MYOM1: variants seen among roughly 807,000 people sequenced by gnomAD.
MYOM1 encodes the protein myomesin-1.
In MYOM1, 164 loss-of-function variants were observed where a neutral mutation model predicts 205.3. The observed-to-expected ratio is 0.80, with a 90% CI of 0.70 to 0.91. The LOEUF (loss-of-function observed/expected upper bound fraction) is 0.91, where lower values mean the gene tolerates loss of function less well. Among genes scored for constraint, MYOM1 ranks in the 40% least tolerant of loss-of-function variants. The pLI, the probability that MYOM1 is intolerant of heterozygous loss-of-function variation, is 0.00. For missense variants in MYOM1, 2,011 were observed against 2,127.3 expected, an observed-to-expected ratio of 0.95 and a Z score of 1.08; for synonymous variants, 772 against 789.4, an observed-to-expected ratio of 0.98 and a Z score of 0.37.
At chr18:3,095,520 A>G (rs532183029) in intron 25 of MYOM1, among the ~76,000 whole-genome samples, 1 of 152,314 alleles carries the variant, frequency 6.6e-6, no homozygotes, top group South Asian at 2.1e-4. Context: ...GTGAGCCGAG[A>G]TCGCGCCACT....
chr18:3,072,176 G>A (rs373048102), intron 36 of MYOM1, among the ~76,000 whole-genome samples: 103 of 150,630 alleles, frequency 6.8e-4, no homozygotes, highest in African/African-American at 2.1e-3. Context: ...TCAGCCTCCC[G>A]AGTAGCTGGG....
At chr18:3,147,932 T>C (rs2080153637) in intron 13 of MYOM1, among the ~76,000 whole-genome samples, 3 of 152,192 alleles carry the variant, frequency 2.0e-5, no homozygotes, top group African/African-American at 4.8e-5. Flanking sequence ...GAAAAATACC[T>C]GGATTTGACA....
At position 3,129,388 on chromosome 18, in the gene MYOM1, T is replaced by C; in HGVS notation, c.2638A>G (p.Asn880Asp). 1.2e-6 allele frequency: 2 copies of C among 1,613,988 alleles called. No individual in the cohort carries two copies. Among genetic ancestry groups the C allele is most frequent in the Non-Finnish European group, 8.5e-7 (1 of 1,179,886 alleles). ...QKDALLGSKP[N>D]KPSLPSSSQN... is the part of the protein sequence containing the mutation. ...GAGCTACTGGGTAGTGAAGGTTTGT[T>C]AGGTTTGCTGCCAAGCAAAGCATCT... is the stretch of plus-strand genomic sequence containing the variant. The change falls in exon 18 of 38, where the codon AAC becomes GAC. Residue 880 changes from asparagine to aspartate, a missense_variant. Coordinates refer to ENST00000356443, the MANE Select transcript of MYOM1 (RefSeq NM_003803.4).
At chr18:3,162,627 AAC>A (rs1293978449) in intron 10 of MYOM1, among the ~76,000 whole-genome samples, 1 of 152,204 alleles carries the variant, frequency 6.6e-6, no homozygotes. Context: ...GCCATAAAAA[AAC>A]ACAGAACACT....
intron 28 of MYOM1, 68 bp from the exon 29 acceptor site, chr18:3,089,309 A>G: frequency 7.8e-7 from 1 of 1,277,600 alleles, no homozygotes; most frequent in Non-Finnish European, 1.1e-6. Context: ...GCTCACACTT[A>G]AGTCCTAAGG....
chr18:3,126,006 T>C (rs113335557), intron 19 of MYOM1, among the ~76,000 whole-genome samples: 2,694 of 151,502 alleles, frequency 0.018, 72 homozygotes, highest in African/African-American at 0.056. Flanking sequence ...CGGTGGCTCA[T>C]GCCTATAATC....
In MYOM1 at chr18:3,183,180, C is replaced by T. The variant is rs144771212; in HGVS notation, c.929+4300G>A. On this transcript the variant is annotated intron_variant, in intron 5 of 37. Transcript: ENST00000356443. ...CCGACCTCAGGTCATCCGCCCGACT[C>T]GGCCTCCCAAAGTGCTGGGATTACA... Among the ~76,000 whole-genome samples, 540 of 152,254 alleles carry T rather than the reference C, an allele frequency of 3.5e-3. 3 individuals carry two copies. The highest frequency in any genetic ancestry group is 0.012 in the African/African-American group (506 of 41,558).
chr18:3,214,531 T>C (rs755067649), intron 2 of MYOM1, among the ~76,000 whole-genome samples: 4 of 152,072 alleles, frequency 2.6e-5, no homozygotes, highest in African/African-American at 4.8e-5. Flanking sequence ...ATTTAAGAAG[T>C]AACTGGGAGA....
At chr18:3,079,935 C>T (rs2079065291) in intron 33 of MYOM1, among the ~76,000 whole-genome samples, 1 of 152,138 alleles carries the variant, frequency 6.6e-6, no homozygotes, top group Admixed American at 6.5e-5. Context: ...GTGAGTTTCT[C>T]AGAATTCTAC....
chr18:3,198,766 G>GA (rs1199718055), intron 2 of MYOM1, among the ~76,000 whole-genome samples: 2 of 150,432 alleles, frequency 1.3e-5, no homozygotes, highest in African/African-American at 4.9e-5. Context: ...CTGGGTGACA[G>GA]AGGGAGACTC....
At chr18:3,177,467 A>G (rs2080661584) in intron 5 of MYOM1, among the ~76,000 whole-genome samples, 1 of 144,892 alleles carries the variant, frequency 6.9e-6, no homozygotes. Context: ...TATTATTATT[A>G]TTATTATTAT....
At chr18:3,246,445 C>T in the MYOM1 span, 1 of 152,150 alleles carries the variant, frequency 6.6e-6, no homozygotes, top group African/African-American at 2.4e-5. Flanking sequence ...ATTAGTACCC[C>T]AAGTCATTCT....
At chr18:3,111,358 A>AT (rs1180978642) in intron 22 of MYOM1, among the ~76,000 whole-genome samples, 2 of 152,228 alleles carry the variant, frequency 1.3e-5, no homozygotes, top group East Asian at 3.9e-4. Context: ...TCGTTGGACA[A>AT]TGAACACAGT....
At position 3,142,151 on chromosome 18, in the gene MYOM1, G is replaced by A. The variant is rs539418908; in HGVS notation, c.1901-88C>T. On this transcript the variant is annotated intron_variant, in intron 13 of 37. Transcript: ENST00000356443. ...CCAAAGACGCTGCTCTCCTCCTGAG[G>A]AAGAGTTAATTATGTCTCCACAGTT... 8.8e-6 allele frequency: 13 copies of A among 1,473,870 alleles called. No homozygotes were observed. The East Asian group carries it at 2.5e-4, about 29-fold the overall frequency. 91.3% of individuals were successfully genotyped at this position (1,473,870 alleles called of 1,614,324 possible).
chr18:3,195,265 T>C (rs1034214173), intron 2 of MYOM1, among the ~76,000 whole-genome samples: 1 of 152,174 alleles, frequency 6.6e-6, no homozygotes, highest in African/African-American at 2.4e-5. Flanking sequence ...TTCCCCACTA[T>C]CTACCACCTC....
In MYOM1 at chr18:3,209,242, C is replaced by T. The variant is rs1382611162; in HGVS notation, c.290+5692G>A. Among the ~76,000 whole-genome samples the T allele has an allele frequency of 1.3e-5, 2 of 152,138 alleles. No homozygotes were observed. Among genetic ancestry groups the T allele is most frequent in the Non-Finnish European group, 2.9e-5 (2 of 68,026 alleles). ...AAATCTCCACAGACCATTTCACAGC[C>T]TCAAAACTCCCTGGCTAAGGGTGCT... On this transcript the variant is annotated intron_variant, in intron 2 of 37. Coordinates refer to ENST00000356443, the MANE Select transcript of MYOM1 (RefSeq NM_003803.4). This position sits in a 1 kb window ranked among gnomAD's most constrained non-coding sequence, Gnocchi z 4.0.
At chr18:3,092,205 T>G (rs1598661757) in intron 26 of MYOM1, among the ~76,000 whole-genome samples, 1 of 152,032 alleles carries the variant, frequency 6.6e-6, no homozygotes, top group Admixed American at 6.6e-5. Flanking sequence ...GTGTTTACTC[T>G]CTCTTTTTAG....
Position 3,126,780 on chromosome 18 carries a change from T to C in MYOM1, c.2912A>G (p.Asn971Ser). The change falls in exon 19 of 38, where the codon AAC (asparagine) becomes AGC (serine). Residue 971 changes from asparagine (N) to serine (S), a missense_variant. By Grantham distance (46) the Asn-to-Ser change is conservative (BLOSUM62 1). Transcript: ENST00000356443. The part of the protein sequence containing the change: ...GGAEITGYYV[N>S]YREVIDGVPG... ...TACCCCATCAATGACCTCGCGATAG[T>C]TCACATAATAGCCAGTAATTTCTGC... The C allele has an allele frequency of 6.2e-7, 1 of 1,613,930 alleles. No homozygotes were observed. Among genetic ancestry groups the C allele is most frequent in the South Asian group, 1.1e-5 (1 of 91,052 alleles).
intron 10 of MYOM1, among the ~76,000 whole-genome samples, chr18:3,158,703 TC>T (rs1156937261): frequency 1.3e-5 from 2 of 152,168 alleles, no homozygotes; most frequent in Admixed American, 1.3e-4. Context: ...GGCTTTGACC[TC>T]CCAGGCTCAA....
Sources: gnomAD v4.1 joint callset for allele counts (sites outside exome capture counted in the v4.1 genomes callset) on GRCh38, gnomAD v4.1.1 for gene constraint, Gnocchi (gnomAD v3.1) non-coding constraint, MANE v1.5 for transcripts, NCBI Gene and HGNC (gene_info 2026-07-23, HGNC 2026-07-21) for gene names.